Variants in BIN2 observed in about 807,000 individuals in gnomAD.
The protein encoded by BIN2 is bridging integrator 2, also known as breast cancer associated protein BRAP1.
In BIN2, 43 loss-of-function variants were observed where a neutral mutation model predicts 67.9. The ratio of observed to expected loss-of-function variants is 0.63; its 90% CI spans 0.50 to 0.82. The LOEUF (loss-of-function observed/expected upper bound fraction) is 0.82. Among genes scored for constraint, BIN2 ranks in the 40% least tolerant of loss-of-function variants. BIN2 has a pLI of 0.00. For synonymous variants in BIN2, 244 were observed against 246.8 expected (o/e 0.99, Z 0.11); for missense variants, 581 against 671.6 (o/e 0.87, Z 1.49).
At chr12:51,296,324 G>A (rs1206868931) in intron 8 of BIN2, among the ~76,000 whole-genome samples, 6 of 151,956 alleles carry the variant, frequency 3.9e-5, no homozygotes, top group African/African-American at 1.4e-4. Context: ...GTGAAACCCT[G>A]TCTCTACTAA....
intron 10 of BIN2, among the ~76,000 whole-genome samples, chr12:51,290,601 C>T (rs975510743): frequency 2.0e-5 from 3 of 150,190 alleles, no homozygotes; most frequent in African/African-American, 4.9e-5. Flanking sequence ...CCGAGGCAGG[C>T]GGATCACGAG....
intron 1 of BIN2, among the ~76,000 whole-genome samples, chr12:51,321,469 G>A (rs968154634): frequency 4.6e-5 from 7 of 151,912 alleles, no homozygotes; most frequent in African/African-American, 1.2e-4. Flanking sequence ...GCGCGATCTC[G>A]GCTCACGGCA....
rs374941687 is a variant in BIN2, at chr12:51,313,807, C to T, written c.162+16G>A. On this transcript the variant is annotated intron_variant, in intron 2 of 12. Coordinates refer to ENST00000615107, the MANE Select transcript of BIN2 (RefSeq NM_016293.4). ...CTTTCTTCTTCCAAGCTTCCCTCCC[C>T]TACCCTCCAGATTACCTGTTGTTGG... The T allele has an allele frequency of 1.3e-5, 21 of 1,606,308 alleles. No homozygotes were observed. In the African/African-American group the frequency reaches 2.5e-4, roughly 19 times the overall value.
At chr12:51,317,831 AC>A (rs1354660089) in intron 1 of BIN2, among the ~76,000 whole-genome samples, 1 of 151,940 alleles carries the variant, frequency 6.6e-6, no homozygotes, top group African/African-American at 2.4e-5. Context: ...TACTAAAAAC[AC>A]AAAAAATTAG....
chr12:51,310,108 T>C (rs1022336600), intron 2 of BIN2, among the ~76,000 whole-genome samples: 1 of 152,214 alleles, frequency 6.6e-6, no homozygotes, highest in Non-Finnish European at 1.5e-5. Flanking sequence ...AACCAGATTT[T>C]ATGTGTCTCC....
chr12:51,284,913 T>TA, intron 11 of BIN2, 126 bp from the exon 12 acceptor site: 1 of 674,586 alleles, frequency 1.5e-6, no homozygotes, highest in East Asian at 2.7e-5. Flanking sequence ...AAGGGCAAAA[T>TA]ACAGTGTTGT....
intron 3 of BIN2, 92 bp downstream of exon 3, chr12:51,302,995 A>G (rs1749061264): frequency 6.9e-7 from 1 of 1,447,946 alleles, no homozygotes. Flanking sequence ...ATAAAATGAC[A>G]AAAACCTGGG....
At chr12:51,295,000 A>G (rs910915354) in intron 9 of BIN2, among the ~76,000 whole-genome samples, 2 of 152,142 alleles carry the variant, frequency 1.3e-5, no homozygotes, top group Non-Finnish European at 1.5e-5. Flanking sequence ...TGGCATGATC[A>G]TAGCTCACTG....
Position 51,295,799 on chromosome 12 carries a change from G to T in BIN2, c.758C>A (p.Ser253Ter). 1 of 1,612,720 alleles carries T rather than the reference G, an allele frequency of 6.2e-7. No individual in the cohort carries two copies. The highest frequency in any genetic ancestry group is 8.5e-7 in the Non-Finnish European group (1 of 1,179,530). ...AAAAGTCTTGGATGCTGCTCACCTT[G>T]ACAGTCCCTTCACCACAAAGACTTT... ...SNKVFVVKGL[S>*]SSSRRSLVIS... Residue 253 changes from serine (S) to a stop codon, truncating the protein, a stop_gained, in exon 9 of 13, where the codon TCA (serine) becomes TAA (stop). Transcript: ENST00000615107. LOFTEE classifies it high-confidence loss of function.
chr12:51,323,981 C>T (rs189954811), intron 1 of BIN2, 41 bp downstream of exon 1: 49 of 1,606,900 alleles, frequency 3.0e-5, no homozygotes, highest in Non-Finnish European at 3.9e-5. Context: ...TCGGCCTCGG[C>T]TCCCTGTGGG....
intron 2 of BIN2, among the ~76,000 whole-genome samples, chr12:51,312,720 T>TA (rs994012621): frequency 3.3e-5 from 5 of 151,914 alleles, no homozygotes; most frequent in East Asian, 3.9e-4. Context: ...AATATTCCAT[T>TA]AAAAAAAAGT....
chr12:51,314,879 G>T (rs1308713264), intron 1 of BIN2, among the ~76,000 whole-genome samples: 2 of 151,998 alleles, frequency 1.3e-5, no homozygotes, highest in Admixed American at 6.6e-5. Context: ...TTGAGACAGG[G>T]TCTTGCTCTG....
At chr12:51,315,374 T>G (rs1320067761) in intron 1 of BIN2, among the ~76,000 whole-genome samples, 1 of 152,064 alleles carries the variant, frequency 6.6e-6, no homozygotes, top group Admixed American at 6.6e-5. Context: ...GGGTTTCACC[T>G]TGTTAGCCAA....
intron 7 of BIN2, 93 bp downstream of exon 7, chr12:51,299,110 T>G: frequency 1.1e-6 from 1 of 905,364 alleles, no homozygotes; most frequent in Non-Finnish European, 1.7e-6. Flanking sequence ...AGTGTGGGAA[T>G]TTAAATCTAA....
intron 1 of BIN2, 27 bp from the exon 2 acceptor site, chr12:51,313,930 T>TA: frequency 6.3e-7 from 1 of 1,591,500 alleles, no homozygotes; most frequent in Non-Finnish European, 8.6e-7. Context: ...GAAAGGCCCG[T>TA]AAGGTTATAG....
intron 1 of BIN2, 131 bp from the exon 2 acceptor site, chr12:51,314,034 T>C (rs916025728): frequency 3.1e-5 from 8 of 254,978 alleles, no homozygotes; most frequent in African/African-American, 1.8e-4. Flanking sequence ...ATTTATTTAT[T>C]TATTTATTTA....
chr12:51,318,704 A>C (rs1946193179), intron 1 of BIN2, among the ~76,000 whole-genome samples: 1 of 152,200 alleles, frequency 6.6e-6, no homozygotes, highest in Admixed American at 6.5e-5. Flanking sequence ...GCAAGTCATT[A>C]AAACTTTTGA....
At position 51,299,091 on chromosome 12, in the gene BIN2, G is replaced by C. The variant is rs771575673; in HGVS notation, c.602+112C>G. 5,313 of 684,144 alleles carry C rather than the reference G, an allele frequency of 7.8e-3. 72 individuals carry two copies. Among genetic ancestry groups the C allele is most frequent in the Middle Eastern group, 8.8e-3 (21 of 2,398 alleles). The allele number at this position is 684,144 out of a possible 1,614,324, so 42.4% of individuals were successfully genotyped here. A position where few individuals can be genotyped will look rare whatever the true frequency, so the allele number is the denominator to read the frequency against. ...CCCTGTCTCGAAAAAAAAAAAAAGG[G>C]GGCGGGGCAGTGTGGGAATTTAAAT... On this transcript the variant is annotated intron_variant, in intron 7 of 12. Transcript: ENST00000615107.
intron 5 of BIN2, among the ~76,000 whole-genome samples, chr12:51,301,737 T>A (rs1160359580): frequency 6.6e-6 from 1 of 152,082 alleles, no homozygotes; most frequent in African/African-American, 2.4e-5. Flanking sequence ...CCCGAACTCC[T>A]GGGCTCAAGT....
Sources: allele counts gnomAD v4.1 joint callset (sites outside exome capture counted in the v4.1 genomes callset), GRCh38; gene constraint gnomAD v4.1.1; transcripts MANE v1.5; gene names NCBI Gene and HGNC (gene_info 2026-07-23, HGNC 2026-07-21).